Variants in CDH12 observed in about 807,000 individuals in gnomAD.
CDH12 encodes cadherin 12, also known as cadherin-12.
A neutral mutation model predicts 74.1 loss-of-function variants in CDH12; 41 were observed. That is an observed-to-expected ratio of 0.55 (90% CI 0.43 to 0.72). The LOEUF is 0.72. CDH12 is among the 30% of genes least tolerant of loss of function. The pLI, the probability that CDH12 is intolerant of heterozygous loss-of-function variation, is 0.00. For missense variants in CDH12, 945 were observed against 977.2 expected (o/e 0.97, Z 0.44); for synonymous variants, 399 against 355.0 (o/e 1.12, Z -1.39).
chr5:22,165,951 A>T (rs542553409), intron 4 of CDH12, among the ~76,000 whole-genome samples: 2 of 152,176 alleles, frequency 1.3e-5, no homozygotes, highest in Non-Finnish European at 2.9e-5. Flanking sequence ...TTAGTATATA[A>T]TCAAGAAAAT....
chr5:22,258,856 A>C (rs2150392391), intron 3 of CDH12, among the ~76,000 whole-genome samples: 1 of 152,248 alleles, frequency 6.6e-6, no homozygotes, highest in South Asian at 2.1e-4. Flanking sequence ...GTTTGCGTTA[A>C]GTACACTCTG....
chr5:22,669,441 A>T (rs931952545), intron 1 of CDH12, among the ~76,000 whole-genome samples: 1 of 152,190 alleles, frequency 6.6e-6, no homozygotes, highest in Non-Finnish European at 1.5e-5. Flanking sequence ...CATCCAATAC[A>T]TATTCTCCCC....
chr5:22,494,754 C>A (rs1747032961), intron 2 of CDH12, among the ~76,000 whole-genome samples: 1 of 152,146 alleles, frequency 6.6e-6, no homozygotes. Flanking sequence ...AAAACAAAGA[C>A]CATCCCATGA....
At chr5:22,084,070 A>C (rs987404078) in intron 4 of CDH12, among the ~76,000 whole-genome samples, 4 of 152,182 alleles carry the variant, frequency 2.6e-5, no homozygotes, top group African/African-American at 9.7e-5. Flanking sequence ...GGTAGGAAAT[A>C]ATAGACATGG....
intron 8 of CDH12, among the ~76,000 whole-genome samples, chr5:21,833,292 T>C (rs1749285944): frequency 1.8e-5 from 1 of 56,924 alleles, no homozygotes; most frequent in East Asian, 6.2e-4. Flanking sequence ...ATATAACATA[T>C]AATATATATT....
intron 3 of CDH12, among the ~76,000 whole-genome samples, chr5:22,392,741 T>A (rs1267426883): frequency 6.6e-6 from 1 of 152,090 alleles, no homozygotes; most frequent in Admixed American, 6.6e-5. Context: ...CAAAGCAGAG[T>A]TAACGTTGGC....
At chr5:22,264,377 A>C (rs1753631733) in intron 3 of CDH12, among the ~76,000 whole-genome samples, 1 of 152,182 alleles carries the variant, frequency 6.6e-6, no homozygotes, top group Non-Finnish European at 1.5e-5. Flanking sequence ...ATGTTTGAAT[A>C]AATTTATGTT....
intron 2 of CDH12, among the ~76,000 whole-genome samples, chr5:22,425,151 G>GTA (rs1305585354): frequency 1.2e-5 from 1 of 84,632 alleles, no homozygotes; most frequent in African/African-American, 6.6e-5. Flanking sequence ...ATATGTGTGT[G>GTA]TGTATATATA....
intron 7 of CDH12, among the ~76,000 whole-genome samples, chr5:21,843,704 G>C (rs1310161458): frequency 1.3e-5 from 2 of 151,848 alleles, no homozygotes; most frequent in Non-Finnish European, 2.9e-5. Context: ...GTAGAGATGG[G>C]GTGACACCTT....
Position 22,492,288 on chromosome 5 carries a change from C to T in CDH12, c.-428+12982G>A, listed in dbSNP as rs142818774. Among the ~76,000 whole-genome samples the T allele has an allele frequency of 4.0e-3, 602 of 152,062 alleles. 4 individuals are homozygous for T. The highest frequency in any genetic ancestry group is 0.014 in the African/African-American group (568 of 41,478). On this transcript the variant is annotated intron_variant, in intron 2 of 14. Coordinates refer to ENST00000382254, the MANE Select transcript of CDH12 (RefSeq NM_004061.5). ...GAAAACAGCAGGACTTTCCAGTCTC[C>T]GTTCCCAGACTTCTTTCTAGACAAA...
chr5:22,476,045 A>G (rs374847157), intron 2 of CDH12, among the ~76,000 whole-genome samples: 1 of 152,042 alleles, frequency 6.6e-6, no homozygotes, highest in Non-Finnish European at 1.5e-5. Flanking sequence ...TTGCTTTCCA[A>G]ATTATTCCTC....
At chr5:22,403,868 A>G (rs1742831116) in intron 3 of CDH12, among the ~76,000 whole-genome samples, 2 of 152,222 alleles carry the variant, frequency 1.3e-5, no homozygotes, top group Non-Finnish European at 2.9e-5. Context: ...TAGTAACCTC[A>G]CCAAGATTTT....
chr5:22,435,936 C>A (rs1446756921), intron 2 of CDH12, among the ~76,000 whole-genome samples: 3 of 151,766 alleles, frequency 2.0e-5, no homozygotes, highest in African/African-American at 7.3e-5. Flanking sequence ...TTTCCCCCCA[C>A]CCATCATGGT....
intron 6 of CDH12, among the ~76,000 whole-genome samples, chr5:21,966,294 C>T (rs1305760280): frequency 6.6e-6 from 1 of 151,644 alleles, no homozygotes; most frequent in Non-Finnish European, 1.5e-5. Flanking sequence ...AATGGGTCAA[C>T]ATACTTTTCT....
chr5:22,381,581 G>C, intron 3 of CDH12, among the ~76,000 whole-genome samples: 1 of 151,700 alleles, frequency 6.6e-6, no homozygotes, highest in East Asian at 1.9e-4. Flanking sequence ...CAGATGGTGG[G>C]TGTCCTGAAT....
At chr5:22,675,870 C>CAT (rs144687047) in intron 1 of CDH12, among the ~76,000 whole-genome samples, 4,340 of 92,120 alleles carry the variant, frequency 0.047, 467 homozygotes, top group African/African-American at 0.14. Context: ...TTTTGTATCT[C>CAT]ATATATATAT....
chr5:21,836,807 T>A (rs1484993092), intron 8 of CDH12, among the ~76,000 whole-genome samples: 3 of 151,950 alleles, frequency 2.0e-5, no homozygotes, highest in Non-Finnish European at 4.4e-5. Flanking sequence ...ATATCCTTGA[T>A]TGTAGTAGAT....
At chr5:22,061,398 G>C (rs978694817) in intron 5 of CDH12, among the ~76,000 whole-genome samples, 1 of 152,044 alleles carries the variant, frequency 6.6e-6, no homozygotes, top group Non-Finnish European at 1.5e-5. Flanking sequence ...TCATATATGA[G>C]CTACGTTTAA....
In CDH12 at chr5:22,843,614, G is replaced by T. The variant is rs1737172687; in HGVS notation, c.-523+9444C>A. ...GAAGAAGTTGTTCTTAACATTTGTG[G>T]TGTGTGTGTGTGTGTGTGTGTGTGT... On this transcript the variant is annotated intron_variant, in intron 1 of 14. Transcript: ENST00000382254. Among the ~76,000 whole-genome samples the T allele has an allele frequency of 1.1e-4, 3 of 27,216 alleles. No homozygotes were observed. In the South Asian group the frequency reaches 3.4e-3, roughly 30 times the overall value. The allele number at this position is 27,216 out of a possible 152,430, so 17.9% of individuals were successfully genotyped here. A position where few individuals can be genotyped will look rare whatever the true frequency, so the allele number is the denominator to read the frequency against.
Sources: gnomAD v4.1 joint callset for allele counts (sites outside exome capture counted in the v4.1 genomes callset) on GRCh38, gnomAD v4.1.1 for gene constraint, MANE v1.5 for transcripts, NCBI Gene and HGNC (gene_info 2026-07-23, HGNC 2026-07-21) for gene names.